The following ROS1 variants were observed in gnomAD, a reference collection of about 807,000 sequenced individuals.
ROS1 encodes the protein ROS proto-oncogene 1, receptor tyrosine kinase.
ROS1 carries 263 observed loss-of-function variants against 273.5 expected under a neutral mutation model. The observed-to-expected ratio is 0.96, with a 90% CI of 0.87 to 1.06. The LOEUF (loss-of-function observed/expected upper bound fraction) is 1.06, where lower values mean the gene tolerates loss of function less well. Among genes scored for constraint, ROS1 ranks in the 50% least tolerant of loss-of-function variants. The pLI is 0.00. For missense variants in ROS1, 2,833 were observed against 2,751.1 expected, an observed-to-expected ratio of 1.03 and a Z score of -0.67; for synonymous variants, 1,008 against 954.1, an observed-to-expected ratio of 1.06 and a Z score of -1.04.
At chr6:117,300,324 C>T (rs955443178) in intron 43 of ROS1, among the ~76,000 whole-genome samples, 2 of 151,664 alleles carry the variant, frequency 1.3e-5, no homozygotes, top group Non-Finnish European at 2.9e-5. Flanking sequence ...ACCTGATCCA[C>T]TACAATAATC....
chr6:117,302,640 T>C (rs1398076606), intron 42 of ROS1, among the ~76,000 whole-genome samples: 5 of 152,232 alleles, frequency 3.3e-5, no homozygotes, highest in African/African-American at 1.2e-4. Flanking sequence ...GTTTCTGCTG[T>C]AGGCCCACAG....
chr6:117,317,377 A>AC, intron 38 of ROS1, 105 bp from the exon 39 acceptor site: 1 of 1,303,816 alleles, frequency 7.7e-7, no homozygotes, highest in Non-Finnish European at 1.0e-6. Flanking sequence ...TTCCTTCAAA[A>AC]CCCCTGACTT....
At chr6:117,328,010 C>T (rs499599) in intron 33 of ROS1, among the ~76,000 whole-genome samples, 14,412 of 152,212 alleles carry the variant, frequency 0.095, 874 homozygotes, top group Middle Eastern at 0.14. Flanking sequence ...ACGTTGGTTT[C>T]AGACTTCTAA....
intron 4 of ROS1, among the ~76,000 whole-genome samples, chr6:117,411,286 C>A (rs1466135580): frequency 6.8e-6 from 1 of 147,348 alleles, no homozygotes; most frequent in African/African-American, 2.5e-5. Context: ...CATCCCCCCA[C>A]TCCTTTCACC....
chr6:117,418,407 C>G, intron 2 of ROS1, 55 bp downstream of exon 2: 2 of 1,243,618 alleles, frequency 1.6e-6, no homozygotes, highest in Non-Finnish European at 2.3e-6. Flanking sequence ...ATCATTGTCC[C>G]TTCATTATCA....
At chr6:117,417,713 A>G (rs1489949438) in intron 2 of ROS1, among the ~76,000 whole-genome samples, 1 of 152,312 alleles carries the variant, frequency 6.6e-6, no homozygotes, top group South Asian at 2.1e-4. Context: ...TGAAATACTC[A>G]GTTTCCTTAA....
chr6:117,349,046 G>A (rs1188568378), intron 27 of ROS1, among the ~76,000 whole-genome samples: 1 of 151,964 alleles, frequency 6.6e-6, no homozygotes, highest in African/African-American at 2.4e-5. Flanking sequence ...TTATTCTGCT[G>A]TTGTTGGAAA....
chr6:117,396,084 G>T, intron 9 of ROS1, 104 bp downstream of exon 9: 1 of 637,040 alleles, frequency 1.6e-6, no homozygotes, highest in Non-Finnish European at 2.8e-6. Context: ...TTGGGCAGAA[G>T]AGGTGGGTCT....
rs775717825 is a variant in ROS1 at position 117,389,571 on chromosome 6, T to C, written c.1565A>G (p.Asp522Gly). 6.2e-7 allele frequency: 1 copy of C among 1,614,196 alleles called. No individual in the cohort carries two copies. Among genetic ancestry groups the C allele is most frequent in the South Asian group, 1.1e-5 (1 of 91,090 alleles). Residue 522 changes from aspartate (D) to glycine (G), a missense_variant, in exon 13 of 44, where the codon GAT becomes GGT. Coordinates refer to ENST00000368507, the MANE Select transcript of ROS1 (RefSeq NM_001378902.1). ...ATCCTGTTGGAAAATGACCTTGCCATCTGTGACAAGAAAGTCATTGTTTTC... is the reference window on the plus strand; with the variant it reads ...ATCCTGTTGGAAAATGACCTTGCCACCTGTGACAAGAAAGTCATTGTTTTC... ...ACENNDFLVT[D>G]GKVIFQQDAL...
At chr6:117,374,563 T>G (rs1781159460) in intron 18 of ROS1, among the ~76,000 whole-genome samples, 1 of 152,206 alleles carries the variant, frequency 6.6e-6, no homozygotes, top group Non-Finnish European at 1.5e-5. Flanking sequence ...GACATTGGCT[T>G]AGGCAAAGAC....
At chr6:117,332,185 G>C (rs1200551853) in intron 32 of ROS1, among the ~76,000 whole-genome samples, 11 of 151,088 alleles carry the variant, frequency 7.3e-5, no homozygotes. Context: ...AAAAAAAGAG[G>C]GTTGCAATCC....
chr6:117,380,698 C>T (rs1772056874), intron 17 of ROS1, among the ~76,000 whole-genome samples: 1 of 152,092 alleles, frequency 6.6e-6, no homozygotes, highest in Non-Finnish European at 1.5e-5. Flanking sequence ...CATTCCTCCA[C>T]AGCAGTCAGC....
At chr6:117,350,324 A>G (rs984869184) in intron 27 of ROS1, among the ~76,000 whole-genome samples, 16 of 152,034 alleles carry the variant, frequency 1.1e-4, no homozygotes, top group South Asian at 4.1e-4. Flanking sequence ...CTTCTTGCTT[A>G]TATAGTTTCT....
At chr6:117,422,796 C>T (rs1440413220) in intron 1 of ROS1, among the ~76,000 whole-genome samples, 1 of 152,060 alleles carries the variant, frequency 6.6e-6, no homozygotes, top group African/African-American at 2.4e-5. Flanking sequence ...TGATAGAAAC[C>T]TTGATATCTC....
chr6:117,328,001 C>A (rs1023533681), intron 33 of ROS1, among the ~76,000 whole-genome samples: 1 of 152,168 alleles, frequency 6.6e-6, no homozygotes. Flanking sequence ...CCCGCTGATA[C>A]GTTGGTTTCA....
chr6:117,399,824 A>G (rs1157423946), intron 7 of ROS1, among the ~76,000 whole-genome samples: 2 of 152,238 alleles, frequency 1.3e-5, no homozygotes, highest in Non-Finnish European at 2.9e-5. Flanking sequence ...AAAATAATAT[A>G]GTAACCTCCC....
chr6:117,388,196 T>C (rs1772752886), intron 13 of ROS1, among the ~76,000 whole-genome samples: 1 of 152,196 alleles, frequency 6.6e-6, no homozygotes, highest in African/African-American at 2.4e-5. Flanking sequence ...TTTGGCTGCA[T>C]TGAAGGAGAC....
At chr6:117,377,210 A>G (rs1176229282) in intron 18 of ROS1, among the ~76,000 whole-genome samples, 1 of 152,110 alleles carries the variant, frequency 6.6e-6, no homozygotes, top group African/African-American at 2.4e-5. Flanking sequence ...TCCCCGGTTC[A>G]ATTGATTCTC....
intron 1 of ROS1, 129 bp downstream of exon 1, chr6:117,425,405 C>T (rs1248559054): frequency 3.6e-6 from 3 of 840,920 alleles, no homozygotes; most frequent in Non-Finnish European, 5.3e-6. Flanking sequence ...AATAATCTAT[C>T]TTGCCTTGTT....
Sources: gnomAD v4.1 joint callset for allele counts (sites outside exome capture counted in the v4.1 genomes callset) on GRCh38, gnomAD v4.1.1 for gene constraint, MANE v1.5 for transcripts, NCBI Gene and HGNC (gene_info 2026-07-23, HGNC 2026-07-21) for gene names.